GNPTAB: variants seen among roughly 807,000 people sequenced by gnomAD.
GNPTAB encodes the protein N-acetylglucosamine-1-phosphate transferase subunits alpha and beta, also known as N-acetylglucosamine-1-phosphotransferase subunits alpha/beta.
A neutral mutation model predicts 136.6 loss-of-function variants in GNPTAB; 92 were observed. The ratio of observed to expected loss-of-function variants is 0.67; its 90% CI spans 0.57 to 0.80. The LOEUF (loss-of-function observed/expected upper bound fraction) is 0.80, where lower values mean the gene tolerates loss of function less well. Among genes scored for constraint, GNPTAB ranks in the 30% least tolerant of loss-of-function variants. GNPTAB has a pLI of 0.00. For missense variants in GNPTAB, 1,343 were observed against 1,501.8 expected, an observed-to-expected ratio of 0.89 and a Z score of 1.75; for synonymous variants, 512 against 535.1, an observed-to-expected ratio of 0.96 and a Z score of 0.60.
At chr12:101,776,281 T>C (rs1004938128) in intron 7 of GNPTAB, among the ~76,000 whole-genome samples, 15 of 152,224 alleles carry the variant, frequency 9.9e-5, no homozygotes, top group Admixed American at 4.6e-4. Context: ...AAATGTTCTA[T>C]GGATACAAAA....
intron 7 of GNPTAB, chr12:101,779,737 C>A: frequency 4.4e-6 from 1 of 229,514 alleles, no homozygotes; most frequent in Non-Finnish European, 8.8e-6. Context: ...CCCTAAGTTC[C>A]ATCCGGGCCT....
chr12:101,826,708 A>G (rs1046854592), intron 1 of GNPTAB, among the ~76,000 whole-genome samples: 3 of 152,052 alleles, frequency 2.0e-5, no homozygotes, highest in African/African-American at 7.2e-5. Context: ...GATGGCCCTG[A>G]AATAATAAAT....
chr12:101,801,975 G>T (rs1009229083), intron 1 of GNPTAB, among the ~76,000 whole-genome samples: 7 of 151,986 alleles, frequency 4.6e-5, no homozygotes, highest in East Asian at 3.9e-4. Flanking sequence ...ATGGCTTGAA[G>T]TCAGGAGTTC....
chr12:101,771,294 A>C (rs1207925340), intron 7 of GNPTAB, 137 bp from the exon 8 acceptor site: 14 of 759,272 alleles, frequency 1.8e-5, no homozygotes, highest in Non-Finnish European at 2.2e-6. Flanking sequence ...GCCAGGCTGG[A>C]GCGCAGTGGC....
chr12:101,798,933 A>T lies in GNPTAB; in HGVS notation c.118-2171T>A, dbSNP rs574372727. ...GGAAGTGCTCCCAAGAAGCAGAGGAAAGTCATGTCATTACAAGAAAAAGTT... is the reference window on the plus strand; with the variant it reads ...GGAAGTGCTCCCAAGAAGCAGAGGATAGTCATGTCATTACAAGAAAAAGTT... On this transcript the variant is annotated intron_variant, in intron 1 of 20. Transcript: ENST00000299314. 3.3e-5 allele frequency among the ~76,000 whole-genome samples: 5 copies of T among 152,326 alleles called. No individual in the cohort carries two copies. The South Asian group carries it at 1.0e-3, about 32-fold the overall frequency.
At chr12:101,748,411 G>A (rs1432142231) in intron 20 of GNPTAB, among the ~76,000 whole-genome samples, 6 of 152,222 alleles carry the variant, frequency 3.9e-5, no homozygotes, top group Non-Finnish European at 7.3e-5. Flanking sequence ...CCCAAGTCAG[G>A]TTGGTAAAGA....
intron 7 of GNPTAB, among the ~76,000 whole-genome samples, chr12:101,774,524 C>T (rs1004905549): frequency 6.6e-6 from 1 of 152,118 alleles, no homozygotes; most frequent in African/African-American, 2.4e-5. Flanking sequence ...CAGTGTATCA[C>T]ATAGGACAGG....
chr12:101,800,792 A>G (rs35575729), intron 1 of GNPTAB, among the ~76,000 whole-genome samples: 2 of 151,762 alleles, frequency 1.3e-5, no homozygotes, highest in Non-Finnish European at 2.9e-5. Flanking sequence ...TAAAAAGAAA[A>G]CAAAAAACAA....
intron 20 of GNPTAB, among the ~76,000 whole-genome samples, chr12:101,748,293 C>T (rs1311750897): frequency 1.3e-5 from 2 of 152,176 alleles, no homozygotes; most frequent in Admixed American, 1.3e-4. Flanking sequence ...AGGTGCTTGT[C>T]CTTCTTGGTA....
chr12:101,787,318 A>G (rs1389941708), intron 4 of GNPTAB, among the ~76,000 whole-genome samples: 1 of 152,254 alleles, frequency 6.6e-6, no homozygotes, highest in African/African-American at 2.4e-5. Flanking sequence ...GATATGAAGC[A>G]TGAAGATAAT....
intron 1 of GNPTAB, among the ~76,000 whole-genome samples, chr12:101,812,098 T>G (rs1042630828): frequency 4.6e-5 from 7 of 150,994 alleles, no homozygotes; most frequent in Non-Finnish European, 1.0e-4. Flanking sequence ...CTAAAAAAAA[T>G]GCTGGGCGTG....
intron 13 of GNPTAB, among the ~76,000 whole-genome samples, chr12:101,761,998 A>G (rs1332976751): frequency 6.6e-6 from 1 of 152,218 alleles, no homozygotes; most frequent in Non-Finnish European, 1.5e-5. Flanking sequence ...TACGATGGAG[A>G]TCTACATAAC....
At position 101,788,576 on chromosome 12, in the gene GNPTAB, TC is replaced by T; in HGVS notation, c.336del (p.Asn114ThrfsTer13). The T allele has an allele frequency of 1.3e-6, 2 of 1,559,230 alleles. No homozygotes were observed. Among genetic ancestry groups the T allele is most frequent in the Non-Finnish European group, 1.8e-6 (2 of 1,129,962 alleles). Reference protein sequence around the residue: ...EEQKAMREILGKNTTEPTKKS... With the variant: ...EEQKAMREILXKNTTEPTKKS... ...TTCTTAGTAGGTTCCGTTGTGTTTT[TC>T]CCAAGGATTTCTCTAATAAAAAGCA... is the stretch of plus-strand genomic sequence containing the variant. On this transcript the variant is annotated frameshift_variant, in exon 4 of 21. Transcript: ENST00000299314. LOFTEE classifies it high-confidence loss of function.
intron 19 of GNPTAB, 51 bp from the exon 20 acceptor site, chr12:101,749,242 C>T (rs1952781385): frequency 9.8e-7 from 1 of 1,015,256 alleles, no homozygotes; most frequent in Non-Finnish European, 1.6e-6. Flanking sequence ...GGTTTCACTA[C>T]CATTAGTTAA....
chr12:101,772,852 T>C (rs896522566), intron 7 of GNPTAB, among the ~76,000 whole-genome samples: 5 of 152,258 alleles, frequency 3.3e-5, no homozygotes, highest in Non-Finnish European at 5.9e-5. Flanking sequence ...AGTCTGACTC[T>C]GTCGTGCAGG....
intron 1 of GNPTAB, among the ~76,000 whole-genome samples, chr12:101,815,338 C>G (rs1185826574): frequency 2.0e-5 from 3 of 152,150 alleles, no homozygotes; most frequent in Non-Finnish European, 4.4e-5. Context: ...CATGCCCGGC[C>G]CATAACAGCT....
chr12:101,777,127 C>T (rs1360842186), intron 7 of GNPTAB, among the ~76,000 whole-genome samples: 1 of 152,222 alleles, frequency 6.6e-6, no homozygotes, highest in African/African-American at 2.4e-5. Flanking sequence ...CCTCTTCCTC[C>T]TCCTGAATAG....
chr12:101,761,001 G>C, intron 15 of GNPTAB, 126 bp downstream of exon 15: 1 of 735,098 alleles, frequency 1.4e-6, no homozygotes, highest in Non-Finnish European at 2.4e-6. Flanking sequence ...GGTTGGTCTC[G>C]AACTCCTGAG....
At chr12:101,774,291 T>G (rs562864612) in intron 7 of GNPTAB, among the ~76,000 whole-genome samples, 1 of 152,346 alleles carries the variant, frequency 6.6e-6, no homozygotes, top group South Asian at 2.1e-4. Context: ...CAGAAAAATA[T>G]GTTAATTCTG....
Sources: allele counts gnomAD v4.1 joint callset (sites outside exome capture counted in the v4.1 genomes callset), GRCh38; gene constraint gnomAD v4.1.1; transcripts MANE v1.5; gene names NCBI Gene and HGNC (gene_info 2026-07-23, HGNC 2026-07-21).